Variants in LRRIQ1 observed in about 807,000 individuals in gnomAD.
LRRIQ1 encodes the protein leucine rich repeats and IQ motif containing 1, also known as leucine-rich repeat- and IQ domain-containing protein 1.
LRRIQ1 carries 210 observed loss-of-function variants against 211.9 expected under a neutral mutation model. The ratio of observed to expected loss-of-function variants is 0.99; its 90% CI spans 0.89 to 1.11. LRRIQ1 has a LOEUF of 1.11. LRRIQ1 is among the 50% of genes most tolerant of loss of function. The probability of loss-of-function intolerance (pLI) is 0.00; values close to 1 mark genes in which losing one functional copy is unlikely to be tolerated. For missense variants in LRRIQ1, 2,136 were observed against 1,939.5 expected (o/e 1.10, Z -1.90); for synonymous variants, 699 against 650.1 (o/e 1.08, Z -1.14).
At chr12:85,232,563 C>T (rs1894993130) in intron 25 of LRRIQ1, 133 bp from the exon 26 acceptor site, 1 of 684,348 alleles carries the variant, frequency 1.5e-6, no homozygotes, top group Non-Finnish European at 2.5e-6. Flanking sequence ...TTACTTATAA[C>T]CTAATTTAAG....
Position 85,056,589 on chromosome 12 carries a change from A to G in LRRIQ1, c.1796A>G (p.Tyr599Cys), listed in dbSNP as rs759063576. ...EEIQEQNGLL[Y>C]KDKDTLVISV... Reference sequence around the variant, plus strand: ...ATACAAGAACAGAATGGATTATTATATAAAGATAAGGATACTTTAGTTATT... The same window carrying G: ...ATACAAGAACAGAATGGATTATTATGTAAAGATAAGGATACTTTAGTTATT... The change falls in exon 8 of 27, where the codon TAT (tyrosine) becomes TGT (cysteine). Residue 599 changes from tyrosine (Y) to cysteine (C), a missense_variant. Coordinates refer to ENST00000393217, the MANE Select transcript of LRRIQ1 (RefSeq NM_001079910.2). The G allele has an allele frequency of 6.3e-6, 10 of 1,596,404 alleles. No homozygotes were observed. The highest frequency in any genetic ancestry group is 3.5e-5 in the Admixed American group (2 of 57,306).
downstream of LRRIQ1, among the ~76,000 whole-genome samples, chr12:85,268,730 CAAAG>C (rs1896475169): frequency 6.6e-6 from 1 of 151,956 alleles, no homozygotes; most frequent in East Asian, 1.9e-4. Flanking sequence ...TCTAGGGAGA[CAAAG>C]AGAAGGATAT....
intron 6 of LRRIQ1, among the ~76,000 whole-genome samples, chr12:85,049,180 CT>C (rs1880005529): frequency 6.6e-6 from 1 of 152,192 alleles, no homozygotes; most frequent in East Asian, 1.9e-4. Flanking sequence ...ATATAATTTA[CT>C]TTCTGTCAGT....
In LRRIQ1 at chr12:85,065,358, T is replaced by C. The variant is rs756192080; in HGVS notation, c.2488T>C (p.Leu830=). 1.2e-6 allele frequency: 2 copies of C among 1,610,872 alleles called. No homozygotes were observed. Among genetic ancestry groups the C allele is most frequent in the South Asian group, 1.1e-5 (1 of 91,004 alleles). ...LQFLSLRRCG[L]TSLHSLSNCK... ...GTTTCTATCCCTTCGACGCTGTGGA[T>C]TAACTTCTTTGCACAGCCTGAGTAA... is the stretch of plus-strand genomic sequence containing the variant. The change falls in exon 9 of 27, where the codon TTA becomes CTA. Residue 830 remains leucine (L), a synonymous_variant. Coordinates refer to ENST00000393217, the MANE Select transcript of LRRIQ1 (RefSeq NM_001079910.2).
chr12:85,198,455 A>C (rs1040537087), intron 24 of LRRIQ1, among the ~76,000 whole-genome samples: 2 of 151,964 alleles, frequency 1.3e-5, no homozygotes, highest in African/African-American at 4.8e-5. Context: ...TTTTCTTCAC[A>C]ACCTCACCAG....
At chr12:85,189,535 C>A (rs1454361796) in intron 24 of LRRIQ1, among the ~76,000 whole-genome samples, 2 of 151,988 alleles carry the variant, frequency 1.3e-5, no homozygotes, top group African/African-American at 2.4e-5. Context: ...AACAAAATTA[C>A]ATCGATTATA....
At chr12:85,234,865 C>A (rs1168682417) in intron 26 of LRRIQ1, among the ~76,000 whole-genome samples, 1 of 152,126 alleles carries the variant, frequency 6.6e-6, no homozygotes, top group Non-Finnish European at 1.5e-5. Context: ...GGAAATAAAA[C>A]ATTTCATTTA....
At chr12:85,214,688 TTAAAA>T (rs1893996006) in intron 24 of LRRIQ1, among the ~76,000 whole-genome samples, 1 of 152,070 alleles carries the variant, frequency 6.6e-6, no homozygotes, top group Non-Finnish European at 1.5e-5. Context: ...GTTATCTATA[TTAAAA>T]TAAGTTATTC....
At chr12:85,081,962 A>C (rs367857739) in intron 11 of LRRIQ1, among the ~76,000 whole-genome samples, 1 of 151,956 alleles carries the variant, frequency 6.6e-6, no homozygotes, top group African/African-American at 2.4e-5. Context: ...ACCTCAAGTC[A>C]TCTGCTCGCC....
At chr12:85,240,661 C>T (rs1895418562) in intron 26 of LRRIQ1, among the ~76,000 whole-genome samples, 1 of 152,034 alleles carries the variant, frequency 6.6e-6, no homozygotes, top group Non-Finnish European at 1.5e-5. Flanking sequence ...GGATATACAA[C>T]ACACAATTAA....
chr12:85,207,610 C>T (rs1893624945), intron 24 of LRRIQ1, among the ~76,000 whole-genome samples: 2 of 151,968 alleles, frequency 1.3e-5, no homozygotes, highest in Admixed American at 1.3e-4. Context: ...CCCAAGAACA[C>T]CTAGATTTTG....
chr12:85,066,846 C>T lies in LRRIQ1; in HGVS notation c.2643C>T (p.Gly881=), dbSNP rs780383380. The T allele has an allele frequency of 4.4e-6, 7 of 1,583,858 alleles. No individual in the cohort carries two copies. The South Asian group carries it at 5.6e-5, about 13-fold the overall frequency. Reference sequence around the variant, plus strand: ...TGACTTCTCTTCATGGTTTGGATGGCTGTACTAATATTCAGTGTCTTGAAC... The same window carrying T: ...TGACTTCTCTTCATGGTTTGGATGGTTGTACTAATATTCAGTGTCTTGAAC... ...NQLTSLHGLD[G]CTNIQCLELS... The change falls in exon 10 of 27, where the codon GGC becomes GGT. Residue 881 remains glycine (G), a synonymous_variant. Coordinates refer to ENST00000393217, the MANE Select transcript of LRRIQ1 (RefSeq NM_001079910.2).
At position 85,047,376 on chromosome 12, in the gene LRRIQ1, GAGA is replaced by G; in HGVS notation, c.589_591del (p.Glu197del). 1 of 1,607,490 alleles carries G rather than the reference GAGA, an allele frequency of 6.2e-7. No homozygotes were observed. Among genetic ancestry groups the G allele is most frequent in the African/African-American group, 1.3e-5 (1 of 74,850 alleles). ...CAAACTCTCAAAGCTCAGAGGGATA[GAGA>G]AGAAAAACAATTTCAAGAAGAAGAA... On this transcript the variant is annotated inframe_deletion, in exon 6 of 27. Transcript: ENST00000393217.
At chr12:85,129,936 C>T (rs773974166) in intron 18 of LRRIQ1, among the ~76,000 whole-genome samples, 10 of 152,186 alleles carry the variant, frequency 6.6e-5, no homozygotes, top group East Asian at 5.8e-4. Flanking sequence ...GTATCAGCAG[C>T]GGAGGTGGTA....
chr12:85,240,278 A>T (rs745835326), intron 26 of LRRIQ1, among the ~76,000 whole-genome samples: 1 of 152,122 alleles, frequency 6.6e-6, no homozygotes, highest in Non-Finnish European at 1.5e-5. Context: ...TACCCCATTA[A>T]AGTGGTTAAA....
At chr12:85,080,914 T>TA (rs1884213754) in intron 11 of LRRIQ1, among the ~76,000 whole-genome samples, 1 of 152,080 alleles carries the variant, frequency 6.6e-6, no homozygotes, top group Non-Finnish European at 1.5e-5. Flanking sequence ...TATGAAAAAA[T>TA]AAAATTGTGG....
At chr12:85,257,219 G>A (rs1381525884) in intron 1 of LRRIQ1, among the ~76,000 whole-genome samples, 7 of 3,774 alleles carry the variant, frequency 1.9e-3, no homozygotes, top group African/African-American at 6.7e-3. Flanking sequence ...ATAAAGACTG[G>A]TTTCAAAGGA....
At chr12:85,116,119 A>G (rs1887554320) in intron 15 of LRRIQ1, among the ~76,000 whole-genome samples, 1 of 152,128 alleles carries the variant, frequency 6.6e-6, no homozygotes, top group African/African-American at 2.4e-5. Context: ...TATTGTACTT[A>G]GCAAATTCTT....
intron 19 of LRRIQ1, among the ~76,000 whole-genome samples, chr12:85,150,970 G>T (rs1300063472): frequency 6.6e-6 from 1 of 151,298 alleles, no homozygotes; most frequent in Non-Finnish European, 1.5e-5. Context: ...TTTGTGGTGA[G>T]AATGCTTAAA....
Sources: gnomAD v4.1 joint callset for allele counts (sites outside exome capture counted in the v4.1 genomes callset) on GRCh38, gnomAD v4.1.1 for gene constraint, MANE v1.5 for transcripts, NCBI Gene and HGNC (gene_info 2026-07-23, HGNC 2026-07-21) for gene names.